The following MVP variants were observed in gnomAD, a reference collection of about 807,000 sequenced individuals.
MVP encodes major vault protein, also known as lung resistance-related protein.
A neutral mutation model predicts 83.5 loss-of-function variants in MVP; 62 were observed. That is an observed-to-expected ratio of 0.74 (90% CI 0.61 to 0.92). The LOEUF is 0.92. MVP is among the 40% of genes least tolerant of loss of function. The pLI is 0.00. For missense variants in MVP, 1,000 were observed against 1,203.4 expected (o/e 0.83, Z 2.50); for synonymous variants, 505 against 504.1 (o/e 1.00, Z -0.02).
Position 29,841,856 on chromosome 16 carries a change from G to T in MVP, c.1436+16G>T, listed in dbSNP as rs547699464. On this transcript the variant is annotated intron_variant, in intron 9 of 14. Transcript: ENST00000357402. This position sits in a 1 kb window ranked among gnomAD's most constrained non-coding sequence, Gnocchi z 4.7. ...AGCGAGCCCGGTGAGTGCTGGCAGCGCAGGGTGTAGGGGGTGGCTCTCCAT... is the reference window on the plus strand; with the variant it reads ...AGCGAGCCCGGTGAGTGCTGGCAGCTCAGGGTGTAGGGGGTGGCTCTCCAT... 6.8e-6 allele frequency: 11 copies of T among 1,608,694 alleles called. No individual in the cohort carries two copies. In the East Asian group the frequency reaches 1.3e-4, roughly 20 times the overall value.
rs2067569572 is a variant in MVP at position 29,844,790 on chromosome 16, G to A, written c.1932G>A (p.Glu644=). 2 of 1,610,428 alleles carry A rather than the reference G, an allele frequency of 1.2e-6. No homozygotes were observed. The highest frequency in any genetic ancestry group is 8.5e-7 in the Non-Finnish European group (1 of 1,180,018). The stretch of plus-strand genomic sequence containing the variant: ...GCAGTGTGGACGTGCAGTCAGTGGA[G>A]CCTGTGGATCAGAGGACCCGGGACG... ...VVSSVDVQSV[E]PVDQRTRDAL... The change falls in exon 11 of 15, where the codon GAG becomes GAA. Residue 644 remains glutamate (E), a synonymous_variant. Transcript: ENST00000357402.
chr16:29,847,503 G>C, intron 14 of MVP, 118 bp downstream of exon 14: 1 of 1,035,342 alleles, frequency 9.7e-7, no homozygotes, highest in Non-Finnish European at 1.4e-6. Flanking sequence ...TGAGTGACCT[G>C]ACCCACGATG....
intron 3 of MVP, 168 bp from the exon 4 acceptor site, chr16:29,833,565 C>A: frequency 2.7e-6 from 2 of 731,744 alleles, no homozygotes; most frequent in Non-Finnish European, 4.2e-6. Context: ...CTACCTCAGT[C>A]TCCCAAAGTT....
intron 1 of MVP, among the ~76,000 whole-genome samples, chr16:29,826,318 C>A (rs187940664): frequency 6.6e-6 from 1 of 152,228 alleles, no homozygotes; most frequent in Non-Finnish European, 1.5e-5. Flanking sequence ...ATCACTGATC[C>A]CATAAGGGTG....
intron 10 of MVP, among the ~76,000 whole-genome samples, chr16:29,842,562 C>T (rs2067544169): frequency 6.6e-6 from 1 of 152,162 alleles, no homozygotes; most frequent in South Asian, 2.1e-4. Context: ...GCCTCGGCTT[C>T]CCAAAGTGCT....
intron 11 of MVP, among the ~76,000 whole-genome samples, chr16:29,845,467 G>C (rs916107377): frequency 1.3e-5 from 2 of 151,938 alleles, no homozygotes; most frequent in African/African-American, 2.4e-5. Flanking sequence ...GCTTCCCCCC[G>C]CCCCTGAGCT....
rs762790956 is a variant in MVP at position 29,840,192 on chromosome 16, T to C, written c.924T>C (p.Phe308=). The C allele has an allele frequency of 6.2e-7, 1 of 1,610,140 alleles. No homozygotes were observed. Among genetic ancestry groups the C allele is most frequent in the Non-Finnish European group, 8.5e-7 (1 of 1,177,574 alleles). ...QKRVVKGEKS[F]FLQPGEQLEQ... ...CTCCCCACTAGGGAGAGAAGTCTTT[T>C]TTCCTCCAGCCAGGAGAGCAGCTGG... The change falls in exon 8 of 15, where the codon TTT becomes TTC. Residue 308 remains phenylalanine (F), a synonymous_variant. Transcript: ENST00000357402.
chr16:29,824,211 C>CAAAAAAAAAA (rs61338952), intron 1 of MVP, among the ~76,000 whole-genome samples: 16 of 39,668 alleles, frequency 4.0e-4, no homozygotes, highest in South Asian at 1.6e-3. Flanking sequence ...AACTCCATCT[C>CAAAAAAAAAA]AAAAAAAAAA....
Position 29,844,782 on chromosome 16 carries a change from T to G in MVP, c.1924T>G (p.Ser642Ala). 1 of 1,610,764 alleles carries G rather than the reference T, an allele frequency of 6.2e-7. No homozygotes were observed. The highest frequency in any genetic ancestry group is 8.5e-7 in the Non-Finnish European group (1 of 1,179,980). Residue 642 changes from serine to alanine, a missense_variant, in exon 11 of 15, where the codon TCA becomes GCA. Physicochemically the swap from Ser to Ala is moderately conservative, Grantham distance 99 (BLOSUM62 1). Transcript: ENST00000357402. ...GLVVSSVDVQ[S>A]VEPVDQRTRD... ...GGTGGTCAGCAGTGTGGACGTGCAG[T>G]CAGTGGAGCCTGTGGATCAGAGGAC... is the stretch of plus-strand genomic sequence containing the variant.
chr16:29,837,080 T>C (rs373877447), intron 7 of MVP, 122 bp downstream of exon 7: 56 of 893,234 alleles, frequency 6.3e-5, no homozygotes, highest in South Asian at 6.2e-4. Context: ...TGCCTTTGCA[T>C]GCTTAGTTCT....
chr16:29,826,543 C>T (rs1177767994), intron 1 of MVP, among the ~76,000 whole-genome samples: 1 of 149,070 alleles, frequency 6.7e-6, no homozygotes, highest in East Asian at 2.0e-4. Flanking sequence ...GGGAGGATCC[C>T]TTGAGCTGAG....
Position 29,841,555 on chromosome 16 carries a change from C to T in MVP, c.1192-41C>T, listed in dbSNP as rs769563884. On this transcript the variant is annotated intron_variant, in intron 8 of 14. Transcript: ENST00000357402. This position sits in a 1 kb window ranked among gnomAD's most constrained non-coding sequence, Gnocchi z 4.7. ...ACAGCTGGGCGGATCTTCCTCCCTT[C>T]CACCCTTACGGGCAGCTTCCCTCCC... 19 of 1,535,366 alleles carry T rather than the reference C, an allele frequency of 1.2e-5. No individual in the cohort carries two copies. The African/African-American group carries it at 2.6e-4, about 21-fold the overall frequency.
At chr16:29,835,966 G>A (rs1206579200) in intron 6 of MVP, among the ~76,000 whole-genome samples, 168 bp downstream of exon 6, 3 of 152,182 alleles carry the variant, frequency 2.0e-5, no homozygotes, top group Middle Eastern at 6.8e-3. Context: ...CATCTGAAGG[G>A]TTAAATAGTC....
Position 29,841,424 on chromosome 16 carries a change from C to T in MVP, c.1192-172C>T, listed in dbSNP as rs1007322221. On this transcript the variant is annotated intron_variant, in intron 8 of 14. Transcript: ENST00000357402. The surrounding 1 kb of genome is among the most constrained non-coding windows in gnomAD (Gnocchi z 4.7). ...CCCAAGGGGTGAGGTAGTTAGCCCA[C>T]GATGACAGGGCCAGCAGATGGCAAA... 7.2e-5 allele frequency among the ~76,000 whole-genome samples: 11 copies of T among 152,148 alleles called. No individual in the cohort carries two copies. Among genetic ancestry groups the T allele is most frequent in the African/African-American group, 7.2e-5 (3 of 41,446 alleles).
chr16:29,843,893 G>C (rs2067558865), intron 10 of MVP, among the ~76,000 whole-genome samples: 1 of 152,148 alleles, frequency 6.6e-6, no homozygotes, highest in Non-Finnish European at 1.5e-5. Context: ...GAGCAAGACT[G>C]TCTCCAAAAA....
chr16:29,826,102 C>T (rs1311767881), intron 1 of MVP: 2 of 152,256 alleles, frequency 1.3e-5, no homozygotes, highest in South Asian at 2.1e-4. Context: ...GGTGGGGAGC[C>T]CCCAGCACTG....
intron 7 of MVP, 128 bp downstream of exon 7, chr16:29,837,086 GTTC>G: frequency 1.2e-6 from 1 of 831,838 alleles, no homozygotes. Context: ...TGCATGCTTA[GTTC>G]TTACACACCT....
intron 6 of MVP, 112 bp from the exon 7 acceptor site, chr16:29,836,595 ATCCCTGGATTGGTAG>A: frequency 6.4e-6 from 5 of 782,600 alleles, no homozygotes; most frequent in South Asian, 2.0e-5. Flanking sequence ...AAAAAAAACA[ATCCCTGGATTGGTAG>A]AAATTGTCTC....
At chr16:29,834,099 G>A in intron 5 of MVP, 33 bp downstream of exon 5, 1 of 1,606,104 alleles carries the variant, frequency 6.2e-7, no homozygotes, top group Non-Finnish European at 8.5e-7. Context: ...ATGGTGGGTG[G>A]GCAGGAGGGG....
Sources: gnomAD v4.1 joint callset for allele counts (sites outside exome capture counted in the v4.1 genomes callset) on GRCh38, gnomAD v4.1.1 for gene constraint, Gnocchi (gnomAD v3.1) non-coding constraint, MANE v1.5 for transcripts, NCBI Gene and HGNC (gene_info 2026-07-23, HGNC 2026-07-21) for gene names.